STPG2: variants seen among roughly 807,000 people sequenced by gnomAD.
The protein encoded by STPG2 is sperm tail PG-rich repeat containing 2, also known as sperm-tail PG-rich repeat-containing protein 2.
In STPG2, 56 loss-of-function variants were observed where a neutral mutation model predicts 54.2. That is an observed-to-expected ratio of 1.03 (90% CI 0.83 to 1.29). The LOEUF (loss-of-function observed/expected upper bound fraction) is 1.29, where lower values mean the gene tolerates loss of function less well. STPG2 is among the 50% of genes most tolerant of loss of function. The pLI is 0.00. For synonymous variants in STPG2, 200 were observed against 181.8 expected (o/e 1.10, Z -0.81); for missense variants, 596 against 544.9 (o/e 1.09, Z -0.93).
chr4:97,774,637 C>T (rs773680211), intron 9 of STPG2, among the ~76,000 whole-genome samples: 28 of 152,110 alleles, frequency 1.8e-4, no homozygotes, highest in Non-Finnish European at 3.8e-4. Context: ...ACTTTGTTCA[C>T]TCTAACAGTT....
intron 10 of STPG2, among the ~76,000 whole-genome samples, chr4:97,560,873 C>A (rs1032667881): frequency 6.6e-6 from 1 of 152,152 alleles, no homozygotes; most frequent in East Asian, 1.9e-4. Flanking sequence ...GTGTTTGACT[C>A]ATTCTTGTCA....
chr4:98,042,864 C>T (rs1737008622), intron 5 of STPG2, among the ~76,000 whole-genome samples: 1 of 151,970 alleles, frequency 6.6e-6, no homozygotes, highest in South Asian at 2.1e-4. Context: ...TTTTCTGTGT[C>T]AATGATCTGT....
intron 7 of STPG2, among the ~76,000 whole-genome samples, chr4:97,969,620 G>A (rs1481680532): frequency 1.3e-5 from 2 of 152,226 alleles, no homozygotes; most frequent in Non-Finnish European, 1.5e-5. Flanking sequence ...CAATATTCAT[G>A]TTAAAAACTC....
At chr4:98,122,323 G>A (rs908146937) in intron 3 of STPG2, among the ~76,000 whole-genome samples, 5 of 151,916 alleles carry the variant, frequency 3.3e-5, no homozygotes, top group Admixed American at 1.3e-4. Flanking sequence ...TTAGTATATC[G>A]GCTGTGGGTT....
At chr4:98,090,087 C>T (rs747329233) in intron 5 of STPG2, among the ~76,000 whole-genome samples, 2 of 151,948 alleles carry the variant, frequency 1.3e-5, no homozygotes, top group African/African-American at 4.8e-5. Context: ...GTTTTTGTTG[C>T]GTTTGCTTTT....
At chr4:97,711,791 T>C (rs892344304) in intron 10 of STPG2, among the ~76,000 whole-genome samples, 1 of 150,312 alleles carries the variant, frequency 6.7e-6, no homozygotes, top group Non-Finnish European at 1.5e-5. Context: ...TGCCCCAGCC[T>C]CCCGAGTAGC....
At chr4:97,662,635 A>G (rs550351555) in intron 10 of STPG2, among the ~76,000 whole-genome samples, 5 of 152,288 alleles carry the variant, frequency 3.3e-5, no homozygotes, top group Non-Finnish European at 7.4e-5. Context: ...AGTGGATTGG[A>G]TTTTTAAAAT....
chr4:97,651,647 A>G (rs982637234), intron 10 of STPG2, among the ~76,000 whole-genome samples: 19 of 152,076 alleles, frequency 1.2e-4, no homozygotes, highest in African/African-American at 4.1e-4. Context: ...TAACAAAAGC[A>G]CATTTTCCCC....
chr4:97,488,776 T>C (rs1578338217), intron 4 of STPG2, among the ~76,000 whole-genome samples: 1 of 151,870 alleles, frequency 6.6e-6, no homozygotes, highest in Non-Finnish European at 1.5e-5. Context: ...TCCACTCACA[T>C]TGCAATAACT....
At chr4:97,996,472 A>G (rs1560628082) in intron 5 of STPG2, among the ~76,000 whole-genome samples, 2 of 151,824 alleles carry the variant, frequency 1.3e-5, no homozygotes, top group Non-Finnish European at 2.9e-5. Flanking sequence ...TGGATTAAAG[A>G]CTTAACTGTG....
chr4:97,830,603 C>A (rs1028050011), intron 9 of STPG2, among the ~76,000 whole-genome samples: 1 of 152,064 alleles, frequency 6.6e-6, no homozygotes, highest in Admixed American at 6.6e-5. Flanking sequence ...AGTCAAGACC[C>A]ATTGGTGTGT....
At chr4:97,848,280 C>T (rs1304028922) in intron 8 of STPG2, among the ~76,000 whole-genome samples, 3 of 152,118 alleles carry the variant, frequency 2.0e-5, no homozygotes, top group Admixed American at 1.3e-4. Context: ...AATACATAAA[C>T]ATAAATAGCA....
intron 4 of STPG2, among the ~76,000 whole-genome samples, chr4:97,507,292 G>A (rs1037209389): frequency 6.6e-6 from 1 of 151,928 alleles, no homozygotes; most frequent in Non-Finnish European, 1.5e-5. Flanking sequence ...AGATAACTAG[G>A]AATATTTCAT....
At chr4:98,018,733 C>T (rs942666505) in intron 5 of STPG2, among the ~76,000 whole-genome samples, 3 of 151,800 alleles carry the variant, frequency 2.0e-5, no homozygotes, top group Non-Finnish European at 4.4e-5. Flanking sequence ...GATGGTATCT[C>T]ATTGTGGTTT....
At chr4:97,873,205 CT>C (rs1730053598) in intron 8 of STPG2, among the ~76,000 whole-genome samples, 1 of 150,590 alleles carries the variant, frequency 6.6e-6, no homozygotes, top group South Asian at 2.1e-4. Context: ...TCCTTCTTTC[CT>C]TTTTTCCTTC....
intron 10 of STPG2, among the ~76,000 whole-genome samples, chr4:97,577,353 G>A (rs899662110): frequency 5.9e-5 from 9 of 152,104 alleles, no homozygotes; most frequent in Admixed American, 2.6e-4. Context: ...GTATCCATAC[G>A]TGGAGGACTG....
chr4:97,883,194 T>C (rs920367133), intron 8 of STPG2, among the ~76,000 whole-genome samples: 1 of 151,248 alleles, frequency 6.6e-6, no homozygotes, highest in African/African-American at 2.4e-5. Context: ...TATATGTATA[T>C]AAATATACAT....
At chr4:97,658,837 G>C (rs760604334) in intron 10 of STPG2, among the ~76,000 whole-genome samples, 3 of 152,136 alleles carry the variant, frequency 2.0e-5, no homozygotes, top group Non-Finnish European at 4.4e-5. Context: ...TGTAGCCAGT[G>C]AGAGTATTAA....
chr4:97,711,090 G>A (rs1724101623), intron 10 of STPG2, among the ~76,000 whole-genome samples: 1 of 151,952 alleles, frequency 6.6e-6, no homozygotes, highest in Non-Finnish European at 1.5e-5. Flanking sequence ...AGACTAGTGG[G>A]AACATCCTTT....
Sources: gnomAD v4.1 joint callset for allele counts (sites outside exome capture counted in the v4.1 genomes callset) on GRCh38, gnomAD v4.1.1 for gene constraint, MANE v1.5 for transcripts, NCBI Gene and HGNC (gene_info 2026-07-23, HGNC 2026-07-21) for gene names.